Variants in DNAH12 observed in about 807,000 individuals in gnomAD.
The protein encoded by DNAH12 is dynein axonemal heavy chain 12.
A neutral mutation model predicts 371.5 loss-of-function variants in DNAH12; 285 were observed. That is an observed-to-expected ratio of 0.77 (90% confidence interval 0.70 to 0.85). The LOEUF (loss-of-function observed/expected upper bound fraction) is 0.85. Among genes scored for constraint, DNAH12 ranks in the 40% least tolerant of loss-of-function variants. DNAH12 has a pLI of 0.00. For synonymous variants in DNAH12, 1,200 were observed against 1,213.0 expected (o/e 0.99, Z 0.22); for missense variants, 3,611 against 3,689.4 (o/e 0.98, Z 0.55).
Position 57,310,835 on chromosome 3 carries a change from A to G in DNAH12, c.10778T>C (p.Met3593Thr), listed in dbSNP as rs1245181887. The G allele has an allele frequency of 3.9e-6, 6 of 1,551,662 alleles. No individual in the cohort carries two copies. In the Admixed American group the frequency reaches 9.8e-5, roughly 25 times the overall value. Residue 3593 changes from methionine (M) to threonine (T), a missense_variant, in exon 67 of 74, where the codon ATG becomes ACG. Around this residue, in one of 3 missense-constraint regions of DNAH12, gnomAD observed 2,266 missense variants for 2,236.9 expected, o/e 1.01. Coordinates refer to ENST00000495027, the MANE Select transcript of DNAH12 (RefSeq NM_001366028.2). ...DDWDRRLLLT[M>T]LADFYNLYIV... is the part of the protein sequence containing the mutation. ...GTACAGATTATAAAAGTCAGCCAGC[A>G]TGGTTAATAGAAGACGTCTGTCCCA...
chr3:57,345,448 G>C (rs1336702040), intron 60 of DNAH12, among the ~76,000 whole-genome samples: 1 of 152,094 alleles, frequency 6.6e-6, no homozygotes, highest in African/African-American at 2.4e-5. Flanking sequence ...CCAAGTTTGT[G>C]ATATTTTACT....
At chr3:57,331,089 G>A (rs527575257) in intron 62 of DNAH12, among the ~76,000 whole-genome samples, 205 of 152,278 alleles carry the variant, frequency 1.3e-3, no homozygotes, top group African/African-American at 4.8e-3. Flanking sequence ...GCGATACAGA[G>A]GAAAATAACA....
intron 13 of DNAH12, among the ~76,000 whole-genome samples, chr3:57,481,314 T>C (rs2066734864): frequency 6.6e-6 from 1 of 152,104 alleles, no homozygotes; most frequent in Non-Finnish European, 1.5e-5. Flanking sequence ...TGAACTCCCA[T>C]TCACAATTGC....
At chr3:57,499,644 AAAAATATAT>A (rs1206458683) in intron 11 of DNAH12, among the ~76,000 whole-genome samples, 26 of 40,762 alleles carry the variant, frequency 6.4e-4, no homozygotes, top group Non-Finnish European at 1.1e-3. Flanking sequence ...AAAAAAAAAA[AAAAATATAT>A]ATATATATAT....
At chr3:57,334,755 G>A (rs2062184732) in intron 61 of DNAH12, 27 bp downstream of exon 61, 1 of 1,532,220 alleles carries the variant, frequency 6.5e-7, no homozygotes, top group African/African-American at 1.4e-5. Flanking sequence ...GCCATTCAAT[G>A]ATAAATCATC....
At chr3:57,463,238 C>T (rs1156832154) in intron 17 of DNAH12, among the ~76,000 whole-genome samples, 2 of 151,348 alleles carry the variant, frequency 1.3e-5, no homozygotes, top group Admixed American at 6.6e-5. Context: ...TGCAATACTG[C>T]ACTCCGGCCT....
At chr3:57,367,477 C>A (rs1465633420) in intron 56 of DNAH12, among the ~76,000 whole-genome samples, 2 of 152,166 alleles carry the variant, frequency 1.3e-5, no homozygotes, top group Non-Finnish European at 2.9e-5. Flanking sequence ...TTATTTTGAG[C>A]TTTCTTCCTC....
At chr3:57,477,791 G>A (rs1162708039) in intron 13 of DNAH12, among the ~76,000 whole-genome samples, 2 of 152,300 alleles carry the variant, frequency 1.3e-5, no homozygotes, top group African/African-American at 2.4e-5. Context: ...TGCAGCAACC[G>A]CTGCTGATAC....
At chr3:57,341,647 T>C (rs919080218) in intron 60 of DNAH12, among the ~76,000 whole-genome samples, 8 of 152,060 alleles carry the variant, frequency 5.3e-5, no homozygotes, top group African/African-American at 1.9e-4. Context: ...CCCATCTTTA[T>C]GGATTAGAAA....
At chr3:57,429,049 G>A (rs943095605) in intron 33 of DNAH12, among the ~76,000 whole-genome samples, 2 of 152,106 alleles carry the variant, frequency 1.3e-5, no homozygotes, top group Admixed American at 6.6e-5. Flanking sequence ...ATCTGGAAAC[G>A]CCTAGGATTT....
chr3:57,525,449 T>C, intron 2 of DNAH12, among the ~76,000 whole-genome samples: 1 of 152,152 alleles, frequency 6.6e-6, no homozygotes, highest in East Asian at 1.9e-4. Flanking sequence ...GGGGCACAGC[T>C]TGAGAGAACC....
chr3:57,480,218 A>G (rs2066688769), intron 13 of DNAH12, among the ~76,000 whole-genome samples: 1 of 152,220 alleles, frequency 6.6e-6, no homozygotes, highest in Non-Finnish European at 1.5e-5. Flanking sequence ...AATAGATGCA[A>G]TAAAAAATGA....
chr3:57,524,167 T>C (rs1455167717), intron 2 of DNAH12, among the ~76,000 whole-genome samples: 1 of 152,220 alleles, frequency 6.6e-6, no homozygotes, highest in Non-Finnish European at 1.5e-5. Flanking sequence ...TGGGCACTTA[T>C]ATGTATTATC....
chr3:57,479,376 C>T (rs564935550), intron 13 of DNAH12, among the ~76,000 whole-genome samples: 1 of 152,166 alleles, frequency 6.6e-6, no homozygotes, highest in East Asian at 1.9e-4. Flanking sequence ...GCTAACTATC[C>T]TAAATATATA....
At chr3:57,442,060 A>G (rs2065323687) in intron 29 of DNAH12, among the ~76,000 whole-genome samples, 1 of 152,186 alleles carries the variant, frequency 6.6e-6, no homozygotes, top group Non-Finnish European at 1.5e-5. Context: ...GGGAGGAGAC[A>G]CCTTGCCAAT....
chr3:57,465,106 G>A (rs2066161913), intron 17 of DNAH12, among the ~76,000 whole-genome samples: 1 of 152,178 alleles, frequency 6.6e-6, no homozygotes, highest in Admixed American at 6.5e-5. Context: ...TCTAACGCGA[G>A]ATTGGCCCAC....
intron 43 of DNAH12, among the ~76,000 whole-genome samples, chr3:57,401,672 T>C (rs2063871287): frequency 6.7e-6 from 1 of 149,804 alleles, no homozygotes. Context: ...AACCCAAAGC[T>C]AGCAAGGAAG....
At chr3:57,449,721 G>GC (rs2065688246) in intron 25 of DNAH12, among the ~76,000 whole-genome samples, 1 of 152,154 alleles carries the variant, frequency 6.6e-6, no homozygotes, top group Non-Finnish European at 1.5e-5. Context: ...TCCCGCTCGC[G>GC]CCTCTCCCTC....
chr3:57,323,630 G>C lies in DNAH12; in HGVS notation c.9979-11C>G, dbSNP rs779550572. On this transcript the variant is annotated splice_polypyrimidine_tract_variant and intron_variant, in intron 62 of 73. Transcript: ENST00000495027. ...TATAGCTGGGGTTATCTGTTGAAGAGAAAAGATATGATCTTTAGAGCAACT... is the reference window on the plus strand; with the variant it reads ...TATAGCTGGGGTTATCTGTTGAAGACAAAAGATATGATCTTTAGAGCAACT... The C allele has an allele frequency of 1.3e-6, 2 of 1,517,620 alleles. No individual in the cohort carries two copies. Among genetic ancestry groups the C allele is most frequent in the South Asian group, 2.6e-5 (2 of 77,436 alleles). 94.0% of individuals were successfully genotyped at this position (1,517,620 alleles called of 1,614,324 possible).
Sources: allele counts gnomAD v4.1 joint callset (sites outside exome capture counted in the v4.1 genomes callset), GRCh38; gene constraint gnomAD v4.1.1; regional missense constraint gnomAD v4.1.1; transcripts MANE v1.5; gene names NCBI Gene and HGNC (gene_info 2026-07-23, HGNC 2026-07-21).